ZNF57: variants seen among roughly 807,000 people sequenced by gnomAD.
ZNF57 encodes the protein zinc finger protein 57.
ZNF57 carries 11 observed loss-of-function variants against 13.4 expected under a neutral mutation model. That is an observed-to-expected ratio of 0.82 (90% CI 0.52 to 1.36). The LOEUF (loss-of-function observed/expected upper bound fraction) is 1.36. Ranked by LOEUF, ZNF57 falls within the 40% of genes most tolerant of loss-of-function variation. ZNF57 has a pLI of 0.00. For synonymous variants in ZNF57, 224 were observed against 238.5 expected, an observed-to-expected ratio of 0.94 and a Z score of 0.56; for missense variants, 696 against 667.5, an observed-to-expected ratio of 1.04 and a Z score of -0.47.
intron 3 of ZNF57, 163 bp from the exon 4 acceptor site, chr19:2,916,756 TATATA>T: frequency 1.9e-6 from 1 of 519,696 alleles, no homozygotes; most frequent in South Asian, 3.7e-5. Context: ...GAAAACCCCA[TATATA>T]ATAAATACTG....
At chr19:2,915,405 G>T in intron 1 of ZNF57, 117 bp from the exon 2 acceptor site, 1 of 1,349,662 alleles carries the variant, frequency 7.4e-7, no homozygotes, top group Non-Finnish European at 1.0e-6. Flanking sequence ...TAACATTCGC[G>T]TCATAGAGGA....
chr19:2,904,962 T>A (rs2144919209), intron 1 of ZNF57, among the ~76,000 whole-genome samples: 1 of 152,328 alleles, frequency 6.6e-6, no homozygotes, highest in Middle Eastern at 3.4e-3. Flanking sequence ...ATGTGCATTA[T>A]GCCGACGATT....
intron 1 of ZNF57, among the ~76,000 whole-genome samples, chr19:2,909,282 T>TTTTG (rs1568180645): frequency 9.0e-5 from 4 of 44,314 alleles, no homozygotes; most frequent in South Asian, 8.3e-4. Flanking sequence ...TTTATTTTTG[T>TTTTG]TTTTTTTTTT....
chr19:2,903,362 C>A (rs1476666082), intron 1 of ZNF57, among the ~76,000 whole-genome samples: 1 of 152,126 alleles, frequency 6.6e-6, no homozygotes, highest in Non-Finnish European at 1.5e-5. Context: ...CAGGCACTTG[C>A]CACCACGACC....
intron 1 of ZNF57, among the ~76,000 whole-genome samples, chr19:2,905,972 T>A (rs934360639): frequency 6.6e-6 from 1 of 152,212 alleles, no homozygotes. Flanking sequence ...TGGCATTGTT[T>A]CCTTCCTCAG....
At chr19:2,912,401 G>C (rs1000482647) in intron 1 of ZNF57, 2 of 152,208 alleles carry the variant, frequency 1.3e-5, no homozygotes, top group East Asian at 1.9e-4. Context: ...TGGGCCCCCT[G>C]AGATTGCTAA....
chr19:2,916,264 C>A lies in ZNF57; in HGVS notation c.302+15C>A, dbSNP rs372664899. 7 of 1,580,392 alleles carry A rather than the reference C, an allele frequency of 4.4e-6. No homozygotes were observed. Among genetic ancestry groups the A allele is most frequent in the Non-Finnish European group, 6.0e-6 (7 of 1,165,278 alleles). On this transcript the variant is annotated intron_variant, in intron 3 of 3. Coordinates refer to ENST00000306908, the MANE Select transcript of ZNF57 (RefSeq NM_173480.3). ...AAAAATCTGAGGTGAGTTGCACTCA[C>A]AAGAGAAAAATCCTTGTATGCAATT...
chr19:2,917,232 CTT>C lies in ZNF57; in HGVS notation c.613_614del (p.Phe205ProfsTer29). 2 of 1,614,212 alleles carry C rather than the reference CTT, an allele frequency of 1.2e-6. No individual in the cohort carries two copies. Among genetic ancestry groups the C allele is most frequent in the Non-Finnish European group, 1.7e-6 (2 of 1,180,044 alleles). ...TATAAGTGTCAAGCATGTGGGCAAA[CTT>C]TCCAACATCCTCGTTACCTCTCCCA... On this transcript the variant is annotated frameshift_variant, in exon 4 of 4. Coordinates refer to ENST00000306908, the MANE Select transcript of ZNF57 (RefSeq NM_173480.3). LOFTEE classifies it low-confidence loss of function (END_TRUNC).
Position 2,911,716 on chromosome 19 carries a change from A to G in ZNF57, c.4-3806A>G, listed in dbSNP as rs781301151. Among the ~76,000 whole-genome samples the G allele has an allele frequency of 8.3e-4, 127 of 152,136 alleles. 1 individual carries two copies. The highest frequency in any genetic ancestry group is 1.2e-4 in the Non-Finnish European group (8 of 68,028). On this transcript the variant is annotated intron_variant, in intron 1 of 3. Coordinates refer to ENST00000306908, the MANE Select transcript of ZNF57 (RefSeq NM_173480.3). ...GTTTTCATTACATGTCTTCAGGCTC[A>G]GAGTCTTTCCTCAGCCACACCCAGT...
At chr19:2,915,953 AC>A (rs1272172946) in intron 2 of ZNF57, 124 bp from the exon 3 acceptor site, 1 of 1,104,938 alleles carries the variant, frequency 9.1e-7, no homozygotes, top group Non-Finnish European at 1.3e-6. Flanking sequence ...TTTGTGAAAT[AC>A]CTAACATTTT....
intron 1 of ZNF57, among the ~76,000 whole-genome samples, chr19:2,908,739 CCA>C (rs1393731874): frequency 6.6e-6 from 1 of 151,988 alleles, no homozygotes; most frequent in African/African-American, 2.4e-5. Flanking sequence ...GCAACCAAGA[CCA>C]CAGTCAACTT....
At chr19:2,906,268 G>T (rs1221837666) in intron 1 of ZNF57, among the ~76,000 whole-genome samples, 1 of 152,158 alleles carries the variant, frequency 6.6e-6, no homozygotes, top group Admixed American at 6.5e-5. Flanking sequence ...TGCCCAGGCT[G>T]GTCTCAAATT....
At chr19:2,905,546 C>T (rs187140615) in intron 1 of ZNF57, among the ~76,000 whole-genome samples, 2 of 150,854 alleles carry the variant, frequency 1.3e-5, no homozygotes, top group South Asian at 2.1e-4. Flanking sequence ...GGGCGGATCA[C>T]GAGGTCAGGA....
chr19:2,914,384 A>G (rs2088169991), intron 1 of ZNF57, among the ~76,000 whole-genome samples: 1 of 152,092 alleles, frequency 6.6e-6, no homozygotes, highest in Non-Finnish European at 1.5e-5. Flanking sequence ...CCTCCTGAGT[A>G]GCTAGGATTA....
chr19:2,911,958 T>A (rs1416146397), intron 1 of ZNF57, among the ~76,000 whole-genome samples: 1 of 152,228 alleles, frequency 6.6e-6, no homozygotes, highest in Non-Finnish European at 1.5e-5. Context: ...ATATGAGGGG[T>A]TCTGCTTTAT....
At chr19:2,908,523 C>T (rs1436277621) in intron 1 of ZNF57, among the ~76,000 whole-genome samples, 10 of 140,644 alleles carry the variant, frequency 7.1e-5, no homozygotes, top group Admixed American at 4.5e-4. Context: ...TGCAGTAGCG[C>T]GCACTCGAAG....
At position 2,918,031 on chromosome 19, in the gene ZNF57, C is replaced by A. The variant is rs377537826; in HGVS notation, c.1410C>A (p.His470Gln). 9.3e-6 allele frequency: 15 copies of A among 1,614,098 alleles called. No individual in the cohort carries two copies. Among genetic ancestry groups the A allele is most frequent in the Admixed American group, 1.7e-5 (1 of 59,998 alleles). ...CATTCCAAGGTCATTTGAGGATGCA[C>A]ACTGGAGAGAAGCCTTATGAGTGTA... Reference protein sequence around the residue: ...SRAFQGHLRMHTGEKPYECKQ... With the variant: ...SRAFQGHLRMQTGEKPYECKQ... The change falls in exon 4 of 4, where the codon CAC becomes CAA. Residue 470 changes from histidine to glutamine, a missense_variant. His to Gln is a conservative substitution (Grantham distance 24). Around this residue, in one of 3 missense-constraint regions of ZNF57, gnomAD observed 645 missense variants for 591.5 expected, o/e 1.09. Transcript: ENST00000306908.
Position 2,918,007 on chromosome 19 carries a change from A to T in ZNF57, c.1386A>T (p.Ala462=), listed in dbSNP as rs1027973198. ...GGAAGGCCTTTACCTCTTCCAGAGCATTCCAAGGTCATTTGAGGATGCACA... is the reference window on the plus strand; with the variant it reads ...GGAAGGCCTTTACCTCTTCCAGAGCTTTCCAAGGTCATTTGAGGATGCACA... ...HCGKAFTSSR[A]FQGHLRMHTG... is the part of the protein sequence containing the mutation. The change falls in exon 4 of 4, where the codon GCA becomes GCT. Residue 462 remains alanine, a synonymous_variant. Transcript: ENST00000306908. The T allele has an allele frequency of 6.2e-7, 1 of 1,614,034 alleles. No individual in the cohort carries two copies. Among genetic ancestry groups the T allele is most frequent in the Admixed American group, 1.7e-5 (1 of 59,972 alleles).
intron 1 of ZNF57, chr19:2,912,114 T>C (rs1031391918): frequency 1.3e-5 from 2 of 152,246 alleles, no homozygotes; most frequent in African/African-American, 4.8e-5. Context: ...AAGGATTCCC[T>C]GATCCTTTGA....
Sources: allele counts gnomAD v4.1 joint callset (sites outside exome capture counted in the v4.1 genomes callset), GRCh38; gene constraint gnomAD v4.1.1; regional missense constraint gnomAD v4.1.1; transcripts MANE v1.5; gene names NCBI Gene and HGNC (gene_info 2026-07-23, HGNC 2026-07-21).